Variants in GREB1 observed in about 807,000 individuals in gnomAD.
The protein encoded by GREB1 is growth regulating estrogen receptor binding 1, also known as protein GREB1.
Under a neutral mutation model 200.7 loss-of-function variants are expected in GREB1, and 106 were observed. That is an observed-to-expected ratio of 0.53 (90% confidence interval 0.45 to 0.62). The LOEUF is 0.62. Ranked by LOEUF, GREB1 falls within the 20% of genes least tolerant of loss-of-function variation. The pLI is 0.00. For missense variants in GREB1, 2,243 were observed against 2,556.8 expected, an observed-to-expected ratio of 0.88 and a Z score of 2.65; for synonymous variants, 1,132 against 1,092.4, an observed-to-expected ratio of 1.04 and a Z score of -0.72.
At chr2:11,587,639 C>G in intron 9 of GREB1, 1 of 1,378,248 alleles carries the variant, frequency 7.3e-7, no homozygotes, top group Non-Finnish European at 9.4e-7. Context: ...TAACACACAG[C>G]CGAAGTCAGA....
intron 6 of GREB1, among the ~76,000 whole-genome samples, chr2:11,579,748 G>A (rs1679269392): frequency 6.6e-6 from 1 of 152,196 alleles, no homozygotes; most frequent in Non-Finnish European, 1.5e-5. Flanking sequence ...CATTCTGGCT[G>A]ACATGAGCAA....
chr2:11,545,907 G>A (rs1354591645), intron 1 of GREB1, among the ~76,000 whole-genome samples: 1 of 152,248 alleles, frequency 6.6e-6, no homozygotes, highest in Non-Finnish European at 1.5e-5. Context: ...GCCGGGCGCG[G>A]TGGCTCACGC....
At position 11,597,160 on chromosome 2, in the gene GREB1, G is replaced by C. The variant is rs374761466; in HGVS notation, c.1955-621G>C. Among the ~76,000 whole-genome samples, 6 of 152,198 alleles carry C rather than the reference G, an allele frequency of 3.9e-5. No individual in the cohort carries two copies. The East Asian group carries it at 7.7e-4, about 20-fold the overall frequency. ...CTGGCGAGGGCCTCGGTCTGGCCTG[G>C]GAGGCAGCATCCAAGGACTCAGATT... On this transcript the variant is annotated intron_variant, in intron 13 of 32. Transcript: ENST00000381486. This position sits in a 1 kb window ranked among gnomAD's most constrained non-coding sequence, Gnocchi z 4.1.
rs750075206 is a variant in GREB1 at position 11,600,763 on chromosome 2, A to G, written c.2334-37A>G. ...TCACCTTGCAAAATTAGAAAACAAT[A>G]TAGTAATTCCACTGATTGTGTCTTC... On this transcript the variant is annotated intron_variant, in intron 15 of 32. Transcript: ENST00000381486. The G allele has an allele frequency of 3.9e-6, 6 of 1,542,198 alleles. No homozygotes were observed. The South Asian group carries it at 5.6e-5, about 14-fold the overall frequency.
Position 11,538,163 on chromosome 2 carries a change from T to C in GREB1, c.-162+3909T>C, listed in dbSNP as rs147896260. ...TCGCTCGGGCAGAACCTCCAGCGGG[T>C]GCCACCCCTGCCTGGCGATGAAGGT... On this transcript the variant is annotated intron_variant, in intron 1 of 32. Coordinates refer to ENST00000381486, the MANE Select transcript of GREB1 (RefSeq NM_014668.4). Among the ~76,000 whole-genome samples, 31 of 152,216 alleles carry C rather than the reference T, an allele frequency of 2.0e-4. No individual in the cohort carries two copies. The East Asian group carries it at 6.0e-3, about 29-fold the overall frequency.
intron 1 of GREB1, among the ~76,000 whole-genome samples, chr2:11,516,311 GGTGT>G (rs60141733): frequency 0.044 from 6,337 of 143,858 alleles, 225 homozygotes; most frequent in African/African-American, 0.11. Flanking sequence ...TTTTCCTGCA[GGTGT>G]GTGTGTGTGT....
chr2:11,522,216 C>T (rs1055232340), intron 1 of GREB1, among the ~76,000 whole-genome samples: 1 of 151,788 alleles, frequency 6.6e-6, no homozygotes, highest in African/African-American at 2.4e-5. Context: ...ATGAATGAGT[C>T]CCAGGAGAAC....
At chr2:11,508,999 C>G (rs1011532929) in intron 1 of GREB1, among the ~76,000 whole-genome samples, 2 of 151,684 alleles carry the variant, frequency 1.3e-5, no homozygotes, top group African/African-American at 4.8e-5. Flanking sequence ...CTCAGCCTCC[C>G]GAGTAGCTGG....
At chr2:11,520,745 T>C (rs1673676513) in intron 1 of GREB1, among the ~76,000 whole-genome samples, 1 of 152,220 alleles carries the variant, frequency 6.6e-6, no homozygotes, top group Admixed American at 6.5e-5. Flanking sequence ...CATCTCAAGG[T>C]CTGGAACCTG....
In GREB1 at chr2:11,615,296, G is replaced by A; in HGVS notation, c.3322+6G>A. The A allele has an allele frequency of 6.4e-7, 1 of 1,571,160 alleles. No homozygotes were observed. Among genetic ancestry groups the A allele is most frequent in the Non-Finnish European group, 8.6e-7 (1 of 1,156,692 alleles). On this transcript the variant is annotated splice_donor_region_variant and intron_variant, in intron 20 of 32. Transcript: ENST00000381486. ...TGAGGAGCTGGGGACAGAAGGTGAG[G>A]GATGGCTGCCCTCAGCCTACTTGTC...
At chr2:11,523,646 G>A (rs1009636491) in intron 1 of GREB1, among the ~76,000 whole-genome samples, 4 of 152,166 alleles carry the variant, frequency 2.6e-5, no homozygotes, top group Admixed American at 1.3e-4. Flanking sequence ...ATGCCGAGCA[G>A]AAGTCTTAAT....
chr2:11,547,407 A>T (rs1268138170), intron 1 of GREB1, among the ~76,000 whole-genome samples: 1 of 152,222 alleles, frequency 6.6e-6, no homozygotes, highest in East Asian at 1.9e-4. Flanking sequence ...GGAGAGAAAT[A>T]TCTAGAAGAC....
chr2:11,543,810 T>C (rs1674983521), intron 1 of GREB1, among the ~76,000 whole-genome samples: 1 of 152,152 alleles, frequency 6.6e-6, no homozygotes, highest in African/African-American at 2.4e-5. Context: ...GGCCTCGGTG[T>C]CCATGTTCGT....
chr2:11,618,115 C>CAGGTCACTCCT, intron 21 of GREB1, among the ~76,000 whole-genome samples, 173 bp from the exon 22 acceptor site: 1 of 151,990 alleles, frequency 6.6e-6, no homozygotes, highest in South Asian at 2.1e-4. Context: ...ACTCCTGGGA[C>CAGGTCACTCCT]GAGTCGCCCC....
At chr2:11,604,024 C>G (rs961135529) in intron 17 of GREB1, among the ~76,000 whole-genome samples, 1 of 152,198 alleles carries the variant, frequency 6.6e-6, no homozygotes, top group Non-Finnish European at 1.5e-5. Flanking sequence ...ACGTAGCCAC[C>G]AAGCCACATT....
chr2:11,521,936 C>G (rs1247275513), intron 1 of GREB1, among the ~76,000 whole-genome samples: 1 of 152,198 alleles, frequency 6.6e-6, no homozygotes. Context: ...CTGCAGCGAT[C>G]TGTGGTCTAC....
intron 1 of GREB1, among the ~76,000 whole-genome samples, chr2:11,541,450 G>T (rs1395684006): frequency 2.0e-5 from 3 of 151,924 alleles, no homozygotes; most frequent in Non-Finnish European, 4.4e-5. Context: ...AGTGAGAGGG[G>T]GGCCATGGGG....
chr2:11,590,628 T>C lies in GREB1; in HGVS notation c.1345+1697T>C, dbSNP rs370182224. Among the ~76,000 whole-genome samples the C allele has an allele frequency of 6.6e-5, 10 of 152,130 alleles. No individual in the cohort carries two copies. In the South Asian group the frequency reaches 2.1e-3, roughly 32 times the overall value. On this transcript the variant is annotated intron_variant, in intron 10 of 32. Transcript: ENST00000381486. The stretch of plus-strand genomic sequence containing the variant: ...ACAGCTCCCACCCTCCGGGCCCCTA[T>C]CCTATGCCCTTTATCTTTAGGCACC...
intron 1 of GREB1, among the ~76,000 whole-genome samples, chr2:11,538,909 TCC>T (rs1491344533): frequency 4.8e-4 from 10 of 20,938 alleles, no homozygotes; most frequent in East Asian, 1.3e-3. Context: ...CTTCCTTCCT[TCC>T]CCCTCCCCTC....
Sources: gnomAD v4.1 joint callset for allele counts (sites outside exome capture counted in the v4.1 genomes callset) on GRCh38, gnomAD v4.1.1 for gene constraint, Gnocchi (gnomAD v3.1) non-coding constraint, MANE v1.5 for transcripts, NCBI Gene and HGNC (gene_info 2026-07-23, HGNC 2026-07-21) for gene names.